The following MACF1 variants were observed in gnomAD, a reference collection of about 807,000 sequenced individuals.
The protein encoded by MACF1 is microtubule-actin cross-linking factor 1.
A neutral mutation model predicts 854.8 loss-of-function variants in MACF1; 193 were observed. That is an observed-to-expected ratio of 0.23 (90% CI 0.20 to 0.25). The LOEUF is 0.25. Ranked by LOEUF, MACF1 falls within the 10% of genes least tolerant of loss-of-function variation. The pLI is 1.00. For missense variants in MACF1, 7,722 were observed against 8,929.1 expected, an observed-to-expected ratio of 0.86 and a Z score of 5.45; for synonymous variants, 3,185 against 3,226.7, an observed-to-expected ratio of 0.99 and a Z score of 0.44.
At chr1:39,232,535 T>G (rs1391399483) in intron 2 of MACF1, among the ~76,000 whole-genome samples, 1 of 152,196 alleles carries the variant, frequency 6.6e-6, no homozygotes, top group Non-Finnish European at 1.5e-5. Context: ...TTCCCCAGGA[T>G]CCTAACCTTG....
intron 58 of MACF1, among the ~76,000 whole-genome samples, chr1:39,395,570 A>G (rs1642240729): frequency 6.6e-6 from 1 of 152,224 alleles, no homozygotes; most frequent in Non-Finnish European, 1.5e-5. Context: ...GCCAAAGAGA[A>G]GAGGAACTTC....
At chr1:39,114,035 TAAA>T (rs35507139) in intron 2 of MACF1, among the ~76,000 whole-genome samples, 8 of 146,198 alleles carry the variant, frequency 5.5e-5, no homozygotes, top group Admixed American at 1.4e-4. Flanking sequence ...GACTCCGTCT[TAAA>T]AAAAAAAAGG....
intron 2 of MACF1, among the ~76,000 whole-genome samples, chr1:39,137,369 C>G (rs1257487977): frequency 6.6e-6 from 1 of 152,122 alleles, no homozygotes; most frequent in Non-Finnish European, 1.5e-5. Flanking sequence ...CATACCCAGT[C>G]TTTTTTTATT....
chr1:39,476,071 T>G (rs989955023), intron 97 of MACF1, among the ~76,000 whole-genome samples: 1 of 152,192 alleles, frequency 6.6e-6, no homozygotes, highest in Non-Finnish European at 1.5e-5. Context: ...TGTCAGACTT[T>G]TTTCCTGTAT....
intron 100 of MACF1, 92 bp from the exon 101 acceptor site, chr1:39,485,446 A>G (rs907591361): frequency 2.9e-6 from 4 of 1,381,396 alleles, no homozygotes; most frequent in Middle Eastern, 1.9e-4. Context: ...TTTGCTTAAG[A>G]TCACACAGGA....
chr1:39,452,350 A>T lies in MACF1; in HGVS notation c.20613A>T (p.Gln6871His), dbSNP rs1644356382. The change falls in exon 86 of 101, where the codon CAA becomes CAT. Residue 6871 changes from glutamine to histidine, a missense_variant and splice_region_variant. Around this residue, in one of 15 missense-constraint regions of MACF1, gnomAD observed 729 missense variants for 900.5 expected, o/e 0.81. Coordinates refer to ENST00000564288, the MANE Select transcript of MACF1 (RefSeq NM_001394062.1). ...KQSRLEQALK[Q>H]AEVFRDTVHM... Reference sequence around the variant, plus strand: ...GCCGGCTTGAGCAGGCCTTAAAACAAGTAAGGGATATTTGCTGTCCCAACC... The same window carrying T: ...GCCGGCTTGAGCAGGCCTTAAAACATGTAAGGGATATTTGCTGTCCCAACC... 2 of 1,612,240 alleles carry T rather than the reference A, an allele frequency of 1.2e-6. No individual in the cohort carries two copies.
intron 89 of MACF1, among the ~76,000 whole-genome samples, chr1:39,456,066 G>A (rs951900980): frequency 3.3e-5 from 5 of 152,182 alleles, no homozygotes; most frequent in South Asian, 2.1e-4. Flanking sequence ...AGGCGTGGTG[G>A]CTCACCCCTG....
At chr1:39,233,562 T>C (rs191261383) in intron 2 of MACF1, among the ~76,000 whole-genome samples, 2 of 152,238 alleles carry the variant, frequency 1.3e-5, no homozygotes, top group East Asian at 3.9e-4. Flanking sequence ...CCATCTATAG[T>C]TCAGTAAACC....
rs565857815 is a variant in MACF1 at position 39,189,493 on chromosome 1, A to T, written c.221-41689A>T. 2.0e-5 allele frequency among the ~76,000 whole-genome samples: 3 copies of T among 152,108 alleles called. No individual in the cohort carries two copies. In the South Asian group the frequency reaches 6.2e-4, roughly 31 times the overall value. ...AGAAGTTAATCTTCCCAATTTACTT[A>T]CCTCTCTCTGAGCCTCCTCAACCCC... is the stretch of plus-strand genomic sequence containing the variant. On this transcript the variant is annotated intron_variant, in intron 2 of 93. Transcript: ENST00000361689.
chr1:39,411,927 T>C, intron 58 of MACF1: 1 of 1,613,900 alleles, frequency 6.2e-7, no homozygotes, highest in Non-Finnish European at 8.5e-7. Context: ...CTGTGGAACT[T>C]ATTGCCCACG....
chr1:39,194,152 G>T (rs1010655779), intron 2 of MACF1, among the ~76,000 whole-genome samples: 2 of 151,940 alleles, frequency 1.3e-5, no homozygotes, highest in African/African-American at 4.8e-5. Flanking sequence ...TTTTCTAAGT[G>T]CTGTACCAGA....
At position 39,460,851 on chromosome 1, in the gene MACF1, G is replaced by A. The variant is rs1297908330; in HGVS notation, c.21523+57G>A. The A allele has an allele frequency of 2.5e-6, 4 of 1,584,068 alleles. No individual in the cohort carries two copies. The East Asian group carries it at 9.0e-5, about 36-fold the overall frequency. On this transcript the variant is annotated intron_variant, in intron 92 of 100. Coordinates refer to ENST00000564288, the MANE Select transcript of MACF1 (RefSeq NM_001394062.1). The surrounding 1 kb of genome is among the most constrained non-coding windows in gnomAD (Gnocchi z 4.1). Reference sequence around the variant, plus strand: ...ACACCTGGATTCCTTGCACTTTGTAGAAGCTGTGATATTCTAGCTAAACAG... The same window carrying A: ...ACACCTGGATTCCTTGCACTTTGTAAAAGCTGTGATATTCTAGCTAAACAG...
chr1:39,340,060 C>CATACAAAG (rs1646902456), intron 38 of MACF1, among the ~76,000 whole-genome samples: 2 of 152,124 alleles, frequency 1.3e-5, no homozygotes, highest in African/African-American at 4.8e-5. Flanking sequence ...TTCCATGACC[C>CATACAAAG]TGGAATTTAG....
chr1:39,343,905 C>T (rs1646988500), intron 40 of MACF1, among the ~76,000 whole-genome samples: 3 of 151,596 alleles, frequency 2.0e-5, no homozygotes, highest in East Asian at 3.9e-4. Context: ...CACCTGAGGT[C>T]GGGAGTTTGA....
rs1450799241 is a variant in MACF1, at chr1:39,333,034, A to T, written c.6446A>T (p.Asp2149Val). 6.2e-7 allele frequency: 1 copy of T among 1,613,950 alleles called. No individual in the cohort carries two copies. The highest frequency in any genetic ancestry group is 1.3e-5 in the African/African-American group (1 of 74,902). ...GGTGTGCCGTTGGTGGTTGACAAAGATGTTTTTTCTGTTGAAACACCAAAG... is the reference window on the plus strand; with the variant it reads ...GGTGTGCCGTTGGTGGTTGACAAAGTTGTTTTTTCTGTTGAAACACCAAAG... Reference protein sequence around the residue: ...AEGVPLVVDKDVFSVETPKKE... With the variant: ...AEGVPLVVDKVVFSVETPKKE... The change falls in exon 37 of 101, where the codon GAT becomes GTT. Residue 2149 changes from aspartate to valine, a missense_variant. Coordinates refer to ENST00000564288, the MANE Select transcript of MACF1 (RefSeq NM_001394062.1).
rs1283586382 is a variant in MACF1 at position 39,460,027 on chromosome 1, A to G, written c.21361-605A>G. Among the ~76,000 whole-genome samples the G allele has an allele frequency of 6.6e-6, 1 of 152,204 alleles. No homozygotes were observed. Among genetic ancestry groups the G allele is most frequent in the Non-Finnish European group, 1.5e-5 (1 of 68,032 alleles). On this transcript the variant is annotated intron_variant, in intron 91 of 100. Transcript: ENST00000564288. This position sits in a 1 kb window ranked among gnomAD's most constrained non-coding sequence, Gnocchi z 4.1. ...TAAGTAGCTGAAAATTGTCTTGCCC[A>G]CTGCATAGGCCTGCTGTTTTCCATC...
intron 2 of MACF1, among the ~76,000 whole-genome samples, chr1:39,116,543 T>C (rs1439410388): frequency 6.6e-6 from 1 of 152,140 alleles, no homozygotes; most frequent in Non-Finnish European, 1.5e-5. Context: ...CGGAAGAATA[T>C]GGGGTCCTTG....
At chr1:39,453,269 CAG>C (rs1410110396) in intron 87 of MACF1, among the ~76,000 whole-genome samples, 2 of 152,092 alleles carry the variant, frequency 1.3e-5, no homozygotes, top group Admixed American at 6.5e-5. Context: ...GTTATCCACT[CAG>C]AGATTTTAAT....
At chr1:39,380,045 A>G (rs1267500071) in intron 54 of MACF1, among the ~76,000 whole-genome samples, 199 bp from the exon 55 acceptor site, 2 of 152,204 alleles carry the variant, frequency 1.3e-5, no homozygotes, top group African/African-American at 4.8e-5. Context: ...AAAGAAACTC[A>G]GATCCTGCCA....
Sources: gnomAD v4.1 joint callset for allele counts (sites outside exome capture counted in the v4.1 genomes callset) on GRCh38, gnomAD v4.1.1 for gene constraint, gnomAD v4.1.1 regional missense constraint, Gnocchi (gnomAD v3.1) non-coding constraint, MANE v1.5 for transcripts, NCBI Gene and HGNC (gene_info 2026-07-23, HGNC 2026-07-21) for gene names.